Variants in VPS50 observed in about 807,000 individuals in gnomAD.
The protein encoded by VPS50 is syndetin.
In VPS50, 70 loss-of-function variants were observed where a neutral mutation model predicts 139.7. That is an observed-to-expected ratio of 0.50 (90% CI 0.41 to 0.61). VPS50 has a LOEUF of 0.61. VPS50 is among the 20% of genes least tolerant of loss of function. The pLI, the probability that VPS50 is intolerant of heterozygous loss-of-function variation, is 0.00. For synonymous variants in VPS50, 365 were observed against 376.7 expected, an observed-to-expected ratio of 0.97 and a Z score of 0.36; for missense variants, 921 against 1,133.7, an observed-to-expected ratio of 0.81 and a Z score of 2.69.
At chr7:93,350,159 C>T in intron 25 of VPS50, 126 bp downstream of exon 25, 1 of 563,544 alleles carries the variant, frequency 1.8e-6, no homozygotes, top group Non-Finnish European at 2.9e-6. Flanking sequence ...GGTATTAAAG[C>T]CCCTGAATTG....
chr7:93,338,830 C>T (rs1251715866), intron 22 of VPS50, among the ~76,000 whole-genome samples: 1 of 152,116 alleles, frequency 6.6e-6, no homozygotes, highest in Non-Finnish European at 1.5e-5. Flanking sequence ...TGGAAACTGG[C>T]ATAGAAATAG....
chr7:93,278,628 C>G (rs1584419535), intron 12 of VPS50, among the ~76,000 whole-genome samples: 1 of 146,112 alleles, frequency 6.8e-6, no homozygotes, highest in African/African-American at 2.5e-5. Flanking sequence ...GTAAAATAAT[C>G]TTTTGAAGTA....
At chr7:93,341,250 A>G (rs1798201445) in intron 22 of VPS50, among the ~76,000 whole-genome samples, 177 bp from the exon 23 acceptor site, 1 of 152,204 alleles carries the variant, frequency 6.6e-6, no homozygotes, top group East Asian at 1.9e-4. Flanking sequence ...CTCATTTAGG[A>G]TTAAAAAGAA....
chr7:93,348,597 A>G, intron 23 of VPS50, 114 bp from the exon 24 acceptor site: 1 of 702,916 alleles, frequency 1.4e-6, no homozygotes, highest in Non-Finnish European at 2.4e-6. Flanking sequence ...AGTGGAAAGT[A>G]ATTTTTATTG....
In VPS50 at chr7:93,258,527, A is replaced by G. The variant is rs1584396545; in HGVS notation, c.576+135A>G. The G allele has an allele frequency of 2.1e-5, 14 of 676,572 alleles. No homozygotes were observed. In the East Asian group the frequency reaches 3.8e-4, roughly 18 times the overall value. The allele number at this position is 676,572 out of a possible 1,614,324, so 41.9% of individuals were successfully genotyped here. A position where few individuals can be genotyped will look rare whatever the true frequency, so the allele number is the denominator to read the frequency against. On this transcript the variant is annotated intron_variant, in intron 8 of 27. Coordinates refer to ENST00000305866, the MANE Select transcript of VPS50 (RefSeq NM_017667.4). ...ATTTTTAGACATGTAAGATTTTTAG[A>G]CGTCAAAGATTCTTGCTCTGGAGCC...
chr7:93,299,190 T>C (rs191097568), intron 16 of VPS50, among the ~76,000 whole-genome samples: 65 of 152,312 alleles, frequency 4.3e-4, no homozygotes, highest in Non-Finnish European at 7.1e-4. Context: ...AAAATTATAG[T>C]GGAAGTCATT....
At chr7:93,313,139 C>CTATGT (rs1182253470) in intron 20 of VPS50, among the ~76,000 whole-genome samples, 1 of 152,116 alleles carries the variant, frequency 6.6e-6, no homozygotes, top group Non-Finnish European at 1.5e-5. Context: ...CAAAAGCAAA[C>CTATGT]TATGTTATGA....
In VPS50 at chr7:93,348,095, A is replaced by G. The variant is rs554616952; in HGVS notation, c.2208-616A>G. Among the ~76,000 whole-genome samples the G allele has an allele frequency of 1.1e-4, 16 of 152,314 alleles. No individual in the cohort carries two copies. The South Asian group carries it at 2.1e-3, about 20-fold the overall frequency. ...GCATTTCTATAAAATGTAGTCCAAT[A>G]TAACATAAGAGTTTTTGCATTAGTA... On this transcript the variant is annotated intron_variant, in intron 23 of 27. Transcript: ENST00000305866.
chr7:93,303,674 TCTTC>T (rs765890484), intron 17 of VPS50, 124 bp downstream of exon 17: 2 of 457,714 alleles, frequency 4.4e-6, no homozygotes, highest in Non-Finnish European at 7.8e-6. Context: ...CAGTTTCTTA[TCTTC>T]CTTCCTTGAA....
intron 9 of VPS50, among the ~76,000 whole-genome samples, chr7:93,269,660 G>A (rs1795947510): frequency 6.6e-6 from 1 of 152,010 alleles, no homozygotes; most frequent in African/African-American, 2.4e-5. Flanking sequence ...AGCTTGCCTT[G>A]AAAGGCTCTA....
intron 2 of VPS50, among the ~76,000 whole-genome samples, chr7:93,240,232 C>CACACAT (rs1217309315): frequency 1.4e-5 from 2 of 145,486 alleles, no homozygotes; most frequent in African/African-American, 5.3e-5. Flanking sequence ...CACACACACA[C>CACACAT]ACACACACAC....
At chr7:93,326,741 A>G (rs1797792484) in intron 21 of VPS50, among the ~76,000 whole-genome samples, 1 of 152,026 alleles carries the variant, frequency 6.6e-6, no homozygotes, top group Admixed American at 6.6e-5. Context: ...TCTGTGTAAA[A>G]ACATTCCATT....
intron 2 of VPS50, among the ~76,000 whole-genome samples, chr7:93,248,807 G>A (rs561507256): frequency 6.6e-6 from 1 of 152,236 alleles, no homozygotes; most frequent in East Asian, 1.9e-4. Context: ...GAGCTTTACA[G>A]ACTGCTAGTT....
chr7:93,274,809 A>C (rs1331190485), intron 11 of VPS50, among the ~76,000 whole-genome samples: 6 of 152,174 alleles, frequency 3.9e-5, no homozygotes, highest in African/African-American at 1.2e-4. Context: ...ACCATATGCC[A>C]TTAAGAACAT....
intron 9 of VPS50, among the ~76,000 whole-genome samples, chr7:93,264,987 G>T (rs1263080830): frequency 1.3e-5 from 2 of 152,020 alleles, no homozygotes; most frequent in African/African-American, 4.8e-5. Flanking sequence ...GCCATGCTGT[G>T]CTGTTTTAAA....
At chr7:93,331,645 C>A (rs932498730) in intron 21 of VPS50, among the ~76,000 whole-genome samples, 3 of 151,948 alleles carry the variant, frequency 2.0e-5, no homozygotes, top group Admixed American at 1.3e-4. Context: ...CTAGAAAAAA[C>A]TAGGAGAAAA....
chr7:93,315,089 T>C (rs547920524), intron 20 of VPS50, among the ~76,000 whole-genome samples: 4 of 152,316 alleles, frequency 2.6e-5, no homozygotes, highest in Admixed American at 2.0e-4. Context: ...TTAATACGTA[T>C]ATCTCCTCTC....
intron 2 of VPS50, among the ~76,000 whole-genome samples, chr7:93,240,319 A>G (rs1292676562): frequency 1.3e-5 from 2 of 151,710 alleles, no homozygotes; most frequent in East Asian, 1.9e-4. Flanking sequence ...ATAGTTGACT[A>G]CTGACTTTTT....
chr7:93,240,092 G>A, intron 2 of VPS50, 158 bp downstream of exon 2: 1 of 507,936 alleles, frequency 2.0e-6, no homozygotes, highest in Non-Finnish European at 3.6e-6. Context: ...TGTAGGGCTT[G>A]TTTCATTACA....
Sources: gnomAD v4.1 joint callset for allele counts (sites outside exome capture counted in the v4.1 genomes callset) on GRCh38, gnomAD v4.1.1 for gene constraint, MANE v1.5 for transcripts, NCBI Gene and HGNC (gene_info 2026-07-23, HGNC 2026-07-21) for gene names.